The following UBXN11 variants were observed in gnomAD, a reference collection of about 807,000 sequenced individuals.
The protein encoded by UBXN11 is UBX domain protein 11.
A neutral mutation model predicts 62.8 loss-of-function variants in UBXN11; 47 were observed. That is an observed-to-expected ratio of 0.75 (90% CI 0.59 to 0.95). The LOEUF is 0.95. Among genes scored for constraint, UBXN11 ranks in the 40% least tolerant of loss-of-function variants. UBXN11 has a pLI of 0.00. For synonymous variants in UBXN11, 294 were observed against 267.0 expected, an observed-to-expected ratio of 1.10 and a Z score of -0.99; for missense variants, 638 against 661.7, an observed-to-expected ratio of 0.96 and a Z score of 0.39.
chr1:26,317,838 C>A, intron 1 of UBXN11: 2 of 599,938 alleles, frequency 3.3e-6, no homozygotes, highest in East Asian at 2.9e-5. Context: ...TATCCACCCC[C>A]AGATCTGCAG....
chr1:26,300,143 T>C (rs996975192), intron 4 of UBXN11, among the ~76,000 whole-genome samples: 3 of 152,154 alleles, frequency 2.0e-5, no homozygotes, highest in African/African-American at 4.8e-5. Flanking sequence ...GGAAGGGGCC[T>C]GAGGGAGAAT....
upstream of UBXN11, among the ~76,000 whole-genome samples, chr1:26,308,836 A>G (rs2073709285): frequency 6.6e-6 from 1 of 151,928 alleles, no homozygotes; most frequent in African/African-American, 2.4e-5. Flanking sequence ...CTTCCCACCC[A>G]GGGCCTGGCT....
chr1:26,315,960 C>CTTTTT (rs34193565), intron 1 of UBXN11, among the ~76,000 whole-genome samples: 10,741 of 114,274 alleles, frequency 0.094, 1,328 homozygotes, highest in Non-Finnish European at 0.12. Context: ...GTTTCCTGGC[C>CTTTTT]TTTTTTTTTT....
intron 4 of UBXN11, among the ~76,000 whole-genome samples, chr1:26,300,219 A>G (rs1306576096): frequency 6.6e-6 from 1 of 152,186 alleles, no homozygotes; most frequent in African/African-American, 2.4e-5. Flanking sequence ...CTCGCGTGAC[A>G]GGCGCTGGCC....
At chr1:26,310,605 G>A (rs2073732004), upstream of UBXN11, among the ~76,000 whole-genome samples, 1 of 150,568 alleles carries the variant, frequency 6.6e-6, no homozygotes, top group South Asian at 2.1e-4. Context: ...GCGGTCGCCT[G>A]TAATCCCAGC....
intron 6 of UBXN11, 139 bp downstream of exon 6, chr1:26,297,288 G>T: frequency 9.6e-7 from 1 of 1,043,248 alleles, no homozygotes; most frequent in Non-Finnish European, 1.3e-6. Context: ...GCCCCTCTGT[G>T]GGCTCAGCTG....
chr1:26,301,865 C>G (rs920822551), intron 2 of UBXN11, 143 bp from the exon 3 acceptor site: 1 of 1,114,042 alleles, frequency 9.0e-7, no homozygotes, highest in African/African-American at 1.6e-5. Context: ...CTTCCAGCCC[C>G]AAATCCCAGC....
intron 1 of UBXN11, among the ~76,000 whole-genome samples, chr1:26,303,891 C>G (rs547379934): frequency 6.6e-6 from 1 of 152,078 alleles, no homozygotes; most frequent in African/African-American, 2.4e-5. Context: ...AGGAAGCACT[C>G]GTAAATGTTA....
chr1:26,282,426 A>T lies in UBXN11; in HGVS notation c.1436T>A (p.Leu479Gln). ...GGGACAGGGACCAGGACTGAATTTCAGGCTGGACTTCGGGGCTCGGCGTGC... is the reference window on the plus strand; with the variant it reads ...GGGACAGGGACCAGGACTGAATTTCTGGCTGGACTTCGGGGCTCGGCGTGC... ...LRARRAPKSSLKFSPGPCPGP... is the reference protein window; with the variant it reads ...LRARRAPKSSQKFSPGPCPGP... Residue 479 changes from leucine (L) to glutamine (Q), a missense_variant, in exon 15 of 15, where the codon CTG becomes CAG. Coordinates refer to ENST00000374222, the MANE Select transcript of UBXN11 (RefSeq NM_001389556.1). 1 of 1,588,398 alleles carries T rather than the reference A, an allele frequency of 6.3e-7. No homozygotes were observed. The highest frequency in any genetic ancestry group is 8.5e-7 in the Non-Finnish European group (1 of 1,176,548).
At chr1:26,302,388 AAAAGACTC>A (rs2073560408) in intron 2 of UBXN11, among the ~76,000 whole-genome samples, 1 of 138,178 alleles carries the variant, frequency 7.2e-6, no homozygotes, top group East Asian at 2.0e-4. Context: ...AAAAAAAAAA[AAAAGACTC>A]AAAGTGGTAT....
chr1:26,289,377 C>CCCA (rs1395961686), intron 8 of UBXN11, among the ~76,000 whole-genome samples: 3 of 152,056 alleles, frequency 2.0e-5, no homozygotes, highest in Admixed American at 6.5e-5. Context: ...AGGAGCCACC[C>CCCA]CCAACCTGCC....
At chr1:26,297,865 T>C in intron 5 of UBXN11, 97 bp downstream of exon 5, 1 of 1,353,250 alleles carries the variant, frequency 7.4e-7, no homozygotes. Flanking sequence ...GGTAGACGGT[T>C]CTAGAATCAC....
chr1:26,306,024 A>G (rs7522068), intron 1 of UBXN11, among the ~76,000 whole-genome samples: 151,233 of 152,324 alleles, frequency 0.99, 75,081 homozygotes, highest in Middle Eastern at 1. Flanking sequence ...GGGCCCCTGA[A>G]GGCAAAGGCT....
chr1:26,305,885 G>A (rs979149505), intron 1 of UBXN11, among the ~76,000 whole-genome samples: 3 of 152,128 alleles, frequency 2.0e-5, no homozygotes, highest in African/African-American at 7.2e-5. Flanking sequence ...ACCGTCGGCC[G>A]TCCTAGTGGG....
intron 8 of UBXN11, among the ~76,000 whole-genome samples, chr1:26,290,153 T>C (rs2073225595): frequency 6.6e-6 from 1 of 152,186 alleles, no homozygotes; most frequent in Admixed American, 6.5e-5. Flanking sequence ...CATCCAAGCC[T>C]GGGCACACGG....
At position 26,302,362 on chromosome 1, in the gene UBXN11, T is replaced by TAA. The variant is rs56003085; in HGVS notation, c.71+449_71+450dup. Among the ~76,000 whole-genome samples the TAA allele has an allele frequency of 8.7e-3, 608 of 69,550 alleles. 32 individuals are homozygous for TAA. Among genetic ancestry groups the TAA allele is most frequent in the African/African-American group, 0.03 (537 of 17,690 alleles). 45.6% of individuals were successfully genotyped at this position (69,550 alleles called of 152,430 possible). ...GGGCGACAGAGCGAGACTTGGTCTT[T>TAA]AAAAAAAAAAAAAAAAAAAAAAAAA... On this transcript the variant is annotated intron_variant, in intron 2 of 14. Coordinates refer to ENST00000374222, the MANE Select transcript of UBXN11 (RefSeq NM_001389556.1).
chr1:26,284,129 G>A lies in UBXN11; in HGVS notation c.1077+13C>T. ...TCCCCCAGGAGGGCTGGGGGAGTTA[G>A]CATTGGCCTCACCTGCAAGGTGTCC... On this transcript the variant is annotated intron_variant, in intron 12 of 14. Coordinates refer to ENST00000374222, the MANE Select transcript of UBXN11 (RefSeq NM_001389556.1). The A allele has an allele frequency of 6.3e-7, 1 of 1,593,700 alleles. No homozygotes were observed. The highest frequency in any genetic ancestry group is 8.5e-7 in the Non-Finnish European group (1 of 1,169,660).
At chr1:26,289,029 G>A (rs1279110108) in intron 8 of UBXN11, among the ~76,000 whole-genome samples, 2 of 152,124 alleles carry the variant, frequency 1.3e-5, no homozygotes, top group Non-Finnish European at 2.9e-5. Flanking sequence ...GAGAGCCCAC[G>A]AGTGTATTAA....
At chr1:26,301,107 C>A (rs375304354) in intron 3 of UBXN11, 83 bp from the exon 4 acceptor site, 3 of 1,605,932 alleles carry the variant, frequency 1.9e-6, no homozygotes, top group Non-Finnish European at 8.5e-7. Context: ...CAGTGTGACG[C>A]GGCCTATGCA....
Sources: gnomAD v4.1 joint callset for allele counts (sites outside exome capture counted in the v4.1 genomes callset) on GRCh38, gnomAD v4.1.1 for gene constraint, MANE v1.5 for transcripts, NCBI Gene and HGNC (gene_info 2026-07-23, HGNC 2026-07-21) for gene names.